The following NUP58 variants were observed in gnomAD, a reference collection of about 807,000 sequenced individuals.
The protein encoded by NUP58 is nucleoporin 58.
A neutral mutation model predicts 70.1 loss-of-function variants in NUP58; 17 were observed. That is an observed-to-expected ratio of 0.24 (90% CI 0.17 to 0.36). NUP58 has a LOEUF of 0.36. Ranked by LOEUF, NUP58 falls within the 10% of genes least tolerant of loss-of-function variation. The probability of loss-of-function intolerance (pLI) is 1.00; values close to 1 mark genes in which losing one functional copy is unlikely to be tolerated. For synonymous variants in NUP58, 275 were observed against 257.6 expected (o/e 1.07, Z -0.65); for missense variants, 644 against 701.5 (o/e 0.92, Z 0.93).
intron 13 of NUP58, among the ~76,000 whole-genome samples, chr13:25,336,636 AT>A (rs1462268243): frequency 1.3e-5 from 2 of 152,230 alleles, no homozygotes; most frequent in Non-Finnish European, 2.9e-5. Context: ...TACATTAAAG[AT>A]TTCAAATTAT....
intron 3 of NUP58, 132 bp from the exon 4 acceptor site, chr13:25,312,751 A>G (rs1484026943): frequency 1.3e-6 from 1 of 765,522 alleles, no homozygotes; most frequent in African/African-American, 1.8e-5. Flanking sequence ...TCTCACAGAT[A>G]CACCCTTCTT....
chr13:25,319,381 T>C (rs759548095), intron 7 of NUP58, 31 bp downstream of exon 7: 1 of 1,573,410 alleles, frequency 6.4e-7, no homozygotes, highest in South Asian at 1.1e-5. Context: ...TTAAGGCATT[T>C]TAATTGAAGA....
In NUP58 at chr13:25,325,195, G is replaced by T. The variant is rs56185988; in HGVS notation, c.1031+127G>T. On this transcript the variant is annotated intron_variant, in intron 10 of 15. Transcript: ENST00000381736. The stretch of plus-strand genomic sequence containing the variant: ...GGCTGAGCCAATAAGCACTTTACAT[G>T]GATTTTAAATTTCATAATAACCCTA... The T allele has an allele frequency of 6.9e-3, 4,415 of 642,434 alleles. 167 individuals carry two copies. The African/African-American group carries it at 0.074, about 11-fold the overall frequency. The allele number at this position is 642,434 out of a possible 1,614,324, so 39.8% of individuals were successfully genotyped here. A position where few individuals can be genotyped will look rare whatever the true frequency, so the allele number is the denominator to read the frequency against.
chr13:25,319,402 T>G (rs73470445), intron 7 of NUP58, 52 bp downstream of exon 7: 1 of 1,519,708 alleles, frequency 6.6e-7, no homozygotes. Flanking sequence ...GTTTAACTTA[T>G]TAAATTGTAG....
intron 5 of NUP58, among the ~76,000 whole-genome samples, chr13:25,314,563 T>C (rs1418428825): frequency 6.6e-6 from 1 of 152,076 alleles, no homozygotes; most frequent in East Asian, 1.9e-4. Flanking sequence ...GGCATGGTGA[T>C]GCATGCCTGT....
chr13:25,318,726 G>A (rs530645058), intron 6 of NUP58, among the ~76,000 whole-genome samples: 3 of 152,272 alleles, frequency 2.0e-5, no homozygotes, highest in South Asian at 4.1e-4. Flanking sequence ...TAACTGGCAA[G>A]GTTTTTTATA....
In NUP58 at chr13:25,319,415, AGATGGTATAATT is replaced by A. The variant is rs1378242961; in HGVS notation, c.710+68_710+79del. 14 of 1,432,734 alleles carry A rather than the reference AGATGGTATAATT, an allele frequency of 9.8e-6. No individual in the cohort carries two copies. The African/African-American group carries it at 1.6e-4, about 16-fold the overall frequency. The allele number at this position is 1,432,734 out of a possible 1,614,324, so 88.8% of individuals were successfully genotyped here. On this transcript the variant is annotated intron_variant, in intron 7 of 15. Coordinates refer to ENST00000381736, the MANE Select transcript of NUP58 (RefSeq NM_014089.4). Reference sequence around the variant, plus strand: ...GAGTTTAACTTATTAAATTGTAGGCAGATGGTATAATTGAAAGTAAATATCATATACATTTAG... The same window carrying A: ...GAGTTTAACTTATTAAATTGTAGGCAGAAAGTAAATATCATATACATTTAG...
At chr13:25,349,779 T>C (rs912382845) in exon 4 of NUP58, 4 of 152,238 alleles carry the variant, frequency 2.6e-5, no homozygotes, top group African/African-American at 9.7e-5. Context: ...AAATAAAACT[T>C]GCCTTTGGTG....
Position 25,320,650 on chromosome 13 carries a change from T to C in NUP58, c.776+55T>C, listed in dbSNP as rs1039907108. 6.3e-6 allele frequency: 8 copies of C among 1,268,290 alleles called. No individual in the cohort carries two copies. The South Asian group carries it at 7.5e-5, about 12-fold the overall frequency. 78.6% of individuals were successfully genotyped at this position (1,268,290 alleles called of 1,614,324 possible). A position where few individuals can be genotyped will look rare whatever the true frequency, so the allele number is the denominator to read the frequency against. ...CACTTGAAGAATTCTAGAATACTTC[T>C]TAAGGGGAGCATCTCTTCCTCCTAA... On this transcript the variant is annotated intron_variant, in intron 8 of 15. Transcript: ENST00000381736.
At chr13:25,339,485 C>A (rs1451070342) in intron 15 of NUP58, among the ~76,000 whole-genome samples, 2 of 152,116 alleles carry the variant, frequency 1.3e-5, no homozygotes, top group East Asian at 3.8e-4. Flanking sequence ...CTTAATTTTG[C>A]AAAAGCTCTT....
At chr13:25,336,332 T>G (rs767821155) in intron 13 of NUP58, 24 of 1,079,200 alleles carry the variant, frequency 2.2e-5, no homozygotes, top group Non-Finnish European at 3.0e-5. Context: ...ACAATAAATT[T>G]AATAAAATAA....
intron 3 of NUP58, among the ~76,000 whole-genome samples, chr13:25,312,627 C>G (rs922361953): frequency 6.6e-6 from 1 of 152,190 alleles, no homozygotes; most frequent in African/African-American, 2.4e-5. Flanking sequence ...CTTGGCCTCC[C>G]AAAGTTTTGG....
At chr13:25,335,842 A>G (rs776026111) in intron 13 of NUP58, 8 of 1,010,474 alleles carry the variant, frequency 7.9e-6, no homozygotes, top group Non-Finnish European at 9.4e-6. Context: ...CAGTTCCCTC[A>G]TCTTTGAGAT....
At chr13:25,333,382 T>C in intron 13 of NUP58, 3 of 985,422 alleles carry the variant, frequency 3.0e-6, no homozygotes, top group South Asian at 9.4e-5. Context: ...GCTTTAATTT[T>C]GTCTGTGACT....
In NUP58 at chr13:25,340,173, G is replaced by A. The variant is rs770340927; in HGVS notation, c.*39G>A. On this transcript the variant is annotated 3_prime_UTR_variant, in exon 16 of 16. Coordinates refer to ENST00000381736, the MANE Select transcript of NUP58 (RefSeq NM_014089.4). ...TGTTGAGAGAATCCATAGCAGCACC[G>A]TTCATTCTATGAGTCTATTTTTCTA... The A allele has an allele frequency of 1.5e-5, 23 of 1,519,528 alleles. No individual in the cohort carries two copies. The Admixed American group carries it at 2.2e-4, about 14-fold the overall frequency. The allele number at this position is 1,519,528 out of a possible 1,614,324, so 94.1% of individuals were successfully genotyped here. A position where few individuals can be genotyped will look rare whatever the true frequency, so the allele number is the denominator to read the frequency against.
intron 13 of NUP58, chr13:25,335,907 A>AT (rs1447565497): frequency 6.4e-6 from 7 of 1,102,024 alleles, no homozygotes; most frequent in African/African-American, 1.7e-5. Flanking sequence ...TATGAAGTTT[A>AT]TTGAATAATT....
Sources: gnomAD v4.1 joint callset for allele counts (sites outside exome capture counted in the v4.1 genomes callset) on GRCh38, gnomAD v4.1.1 for gene constraint, MANE v1.5 for transcripts, NCBI Gene and HGNC (gene_info 2026-07-23, HGNC 2026-07-21) for gene names.